MTAP: variants seen among roughly 807,000 people sequenced by gnomAD.
MTAP encodes S-methyl-5'-thioadenosine phosphorylase.
MTAP carries 33 observed loss-of-function variants against 33.6 expected under a neutral mutation model. That is an observed-to-expected ratio of 0.98 (90% CI 0.74 to 1.31). The LOEUF (loss-of-function observed/expected upper bound fraction) is 1.31. MTAP is among the 40% of genes most tolerant of loss of function. The pLI, the probability that MTAP is intolerant of heterozygous loss-of-function variation, is 0.00. For missense variants in MTAP, 367 were observed against 360.0 expected, an observed-to-expected ratio of 1.02 and a Z score of -0.16; for synonymous variants, 148 against 125.7, an observed-to-expected ratio of 1.18 and a Z score of -1.19.
In MTAP at chr9:21,863,301, T is replaced by A. The variant is rs1247793284; in HGVS notation, c.*1287T>A. 16 of 984,600 alleles carry A rather than the reference T, an allele frequency of 1.6e-5. No individual in the cohort carries two copies. The highest frequency in any genetic ancestry group is 1.9e-5 in the Non-Finnish European group (16 of 829,282). 61.0% of individuals were successfully genotyped at this position (984,600 alleles called of 1,614,324 possible). The stretch of plus-strand genomic sequence containing the variant: ...TGCTTTTTTAACTCTTTTTTTATTG[T>A]TATTTTATAGAAATGCTTTTTGTTG... On this transcript the variant is annotated 3_prime_UTR_variant, in exon 8 of 8. Transcript: ENST00000644715.
intron 1 of MTAP, among the ~76,000 whole-genome samples, chr9:21,875,369 G>A (rs1192899379): frequency 6.6e-6 from 1 of 152,014 alleles, no homozygotes; most frequent in Non-Finnish European, 1.5e-5. Context: ...TTTTTTTCAT[G>A]TTTGTTGACT....
At chr9:21,829,608 G>A (rs550888885) in intron 4 of MTAP, among the ~76,000 whole-genome samples, 1 of 150,168 alleles carries the variant, frequency 6.7e-6, no homozygotes, top group East Asian at 1.9e-4. Context: ...ATTGCCGTAA[G>A]TTTGTCAGCA....
chr9:21,891,926 C>G (rs553367062), intron 1 of MTAP, among the ~76,000 whole-genome samples: 2 of 152,174 alleles, frequency 1.3e-5, no homozygotes, highest in African/African-American at 2.4e-5. Flanking sequence ...AACAATGGAC[C>G]TTTCAGCAGA....
chr9:21,922,879 A>G lies in MTAP; in HGVS notation c.148-8129A>G, dbSNP rs1818810384. 6.6e-6 allele frequency among the ~76,000 whole-genome samples: 1 copy of G among 152,174 alleles called. No homozygotes were observed. The highest frequency in any genetic ancestry group is 2.4e-5 in the African/African-American group (1 of 41,448). On this transcript the variant is annotated intron_variant, in intron 1 of 1. Coordinates refer to the MTAP transcript ENST00000577563. The surrounding 1 kb of genome is among the most constrained non-coding windows in gnomAD (Gnocchi z 4.8). ...AATGGCCCTCCTAGACAGGAGGCTCATGAGAGTGGTAGGGCTAAAGCCTAA... is the reference window on the plus strand; with the variant it reads ...AATGGCCCTCCTAGACAGGAGGCTCGTGAGAGTGGTAGGGCTAAAGCCTAA...
intron 1 of MTAP, among the ~76,000 whole-genome samples, chr9:21,902,552 C>T (rs750301642): frequency 3.9e-5 from 6 of 152,214 alleles, no homozygotes; most frequent in Non-Finnish European, 7.3e-5. Context: ...TCTACATAAC[C>T]AGTGAAGTCA....
chr9:21,853,074 G>A (rs533917834), intron 5 of MTAP, among the ~76,000 whole-genome samples: 1 of 152,256 alleles, frequency 6.6e-6, no homozygotes, highest in South Asian at 2.1e-4. Flanking sequence ...GCAAAATGCT[G>A]GTTCAGGTGG....
intron 1 of MTAP, among the ~76,000 whole-genome samples, chr9:21,905,947 G>A (rs1818470578): frequency 6.6e-6 from 1 of 152,180 alleles, no homozygotes; most frequent in Non-Finnish European, 1.5e-5. Context: ...GCTTTCAAGT[G>A]GGTTTGGTAT....
Position 21,875,627 on chromosome 9 carries a change from AGTGAAAACGT to A in MTAP, c.147+20761_147+20770del, listed in dbSNP as rs1825995965. Among the ~76,000 whole-genome samples, 6 of 152,202 alleles carry A rather than the reference AGTGAAAACGT, an allele frequency of 3.9e-5. No homozygotes were observed. In the South Asian group the frequency reaches 1.2e-3, roughly 32 times the overall value. On this transcript the variant is annotated intron_variant, in intron 1 of 1. Transcript: ENST00000577563. ...TCTTATCATCTAGCTCCCACTTATAAGTGAAAACGTGTGGTATTTGGTTTTCTGTTTCTGT... is the reference window on the plus strand; with the variant it reads ...TCTTATCATCTAGCTCCCACTTATAAGTGGTATTTGGTTTTCTGTTTCTGT...
At chr9:21,902,609 C>T (rs1383713280) in intron 1 of MTAP, among the ~76,000 whole-genome samples, 1 of 152,170 alleles carries the variant, frequency 6.6e-6, no homozygotes, top group African/African-American at 2.4e-5. Flanking sequence ...TACTTGTTCC[C>T]TTATGAACTT....
intron 1 of MTAP, among the ~76,000 whole-genome samples, chr9:21,806,934 T>C (rs1824222650): frequency 6.6e-6 from 1 of 152,106 alleles, no homozygotes; most frequent in African/African-American, 2.4e-5. Context: ...GAGGCCCAGC[T>C]GGGCAGATTA....
At position 21,891,113 on chromosome 9, in the gene MTAP, A is replaced by C. The variant is rs115827710; in HGVS notation, c.147+36243A>C. Reference sequence around the variant, plus strand: ...CATAGTCAAACCATCAAGGGAACCAACAAATATAAAAGCAAAAATTCCCAA... The same window carrying C: ...CATAGTCAAACCATCAAGGGAACCACCAAATATAAAAGCAAAAATTCCCAA... On this transcript the variant is annotated intron_variant, in intron 1 of 1. Coordinates refer to the MTAP transcript ENST00000577563. Among the ~76,000 whole-genome samples the C allele has an allele frequency of 5.7e-3, 874 of 152,310 alleles. 5 individuals carry two copies. The highest frequency in any genetic ancestry group is 0.02 in the African/African-American group (835 of 41,552).
Position 21,864,467 on chromosome 9 carries a change from T to C in MTAP, c.*2453T>C, listed in dbSNP as rs1458771458. ...CATGGGAAAGCTGTAGTTTAGTGAC[T>C]TAGCCCTTAGTGATTAATAGATTTG... On this transcript the variant is annotated 3_prime_UTR_variant, in exon 8 of 8. Coordinates refer to ENST00000644715, the MANE Select transcript of MTAP (RefSeq NM_002451.4). 1.0e-6 allele frequency: 1 copy of C among 985,340 alleles called. No homozygotes were observed. 61.0% of individuals were successfully genotyped at this position (985,340 alleles called of 1,614,324 possible). A position where few individuals can be genotyped will look rare whatever the true frequency, so the allele number is the denominator to read the frequency against.
rs535987804 is a variant in MTAP at position 21,816,911 on chromosome 9, A to G, written c.179+139A>G. 1.6e-4 allele frequency: 113 copies of G among 687,190 alleles called. No homozygotes were observed. The East Asian group carries it at 2.7e-3, about 17-fold the overall frequency. The allele number at this position is 687,190 out of a possible 1,614,324, so 42.6% of individuals were successfully genotyped here. A position where few individuals can be genotyped will look rare whatever the true frequency, so the allele number is the denominator to read the frequency against. Reference sequence around the variant, plus strand: ...AACATCTTAGTAACCTTTATTTACAATGTTTTATTTTTGGTTAAGTTATAT... The same window carrying G: ...AACATCTTAGTAACCTTTATTTACAGTGTTTTATTTTTGGTTAAGTTATAT... On this transcript the variant is annotated intron_variant, in intron 3 of 7. Transcript: ENST00000644715.
chr9:21,845,235 C>G (rs975128705), intron 5 of MTAP, among the ~76,000 whole-genome samples: 13 of 152,108 alleles, frequency 8.5e-5, no homozygotes, highest in African/African-American at 2.9e-4. Context: ...AAGAGGAAGT[C>G]AAACTGTTGC....
chr9:21,827,087 A>T (rs1228497392), intron 4 of MTAP, among the ~76,000 whole-genome samples: 2 of 152,134 alleles, frequency 1.3e-5, no homozygotes, highest in Non-Finnish European at 2.9e-5. Flanking sequence ...CGGTGCCAAA[A>T]AGATTAGGGG....
Position 21,915,101 on chromosome 9 carries a change from T to TTTG in MTAP, c.148-15907_148-15906insTTG, listed in dbSNP as rs1587294407. Among the ~76,000 whole-genome samples, 16 of 128,852 alleles carry TTTG rather than the reference T, an allele frequency of 1.2e-4. 1 individual carries two copies. The East Asian group carries it at 2.4e-3, about 19-fold the overall frequency. 84.5% of individuals were successfully genotyped at this position (128,852 alleles called of 152,430 possible). A position where few individuals can be genotyped will look rare whatever the true frequency, so the allele number is the denominator to read the frequency against. On this transcript the variant is annotated intron_variant, in intron 1 of 1. Coordinates refer to the MTAP transcript ENST00000577563. The stretch of plus-strand genomic sequence containing the variant: ...CTTTCTTTCCTTTCTTTCTTTTCTT[T>TTTG]CGGCAGAGTCTTGCCCTCTCACCCA...
intron 1 of MTAP, chr9:21,930,301 C>T: frequency 4.4e-6 from 1 of 225,908 alleles, no homozygotes; most frequent in South Asian, 7.2e-5. Flanking sequence ...GTCCTCATCT[C>T]TTCTTTTGTT....
chr9:21,812,684 A>G (rs971593842), intron 1 of MTAP, among the ~76,000 whole-genome samples: 4 of 152,202 alleles, frequency 2.6e-5, no homozygotes, highest in African/African-American at 9.6e-5. Context: ...ACCTGGAGTC[A>G]CTGTTTCTGT....
intron 1 of MTAP, chr9:21,811,792 A>G (rs1824356983): frequency 1.9e-6 from 1 of 525,002 alleles, no homozygotes; most frequent in South Asian, 1.4e-5. Context: ...ACCGAAGTAT[A>G]CCTGTGAACT....
Sources: gnomAD v4.1 joint callset for allele counts (sites outside exome capture counted in the v4.1 genomes callset) on GRCh38, gnomAD v4.1.1 for gene constraint, Gnocchi (gnomAD v3.1) non-coding constraint, MANE v1.5 for transcripts, NCBI Gene and HGNC (gene_info 2026-07-23, HGNC 2026-07-21) for gene names.